AP4E1: variants seen among roughly 807,000 people sequenced by gnomAD.
AP4E1 encodes the protein adaptor related protein complex 4 subunit epsilon 1, also known as AP-4 complex subunit epsilon-1.
In AP4E1, 56 loss-of-function variants were observed where a neutral mutation model predicts 128.2. The observed-to-expected ratio is 0.44, with a 90% CI of 0.35 to 0.55. The LOEUF is 0.55. Among genes scored for constraint, AP4E1 ranks in the 20% least tolerant of loss-of-function variants. The pLI is 0.00. For synonymous variants in AP4E1, 484 were observed against 473.1 expected, an observed-to-expected ratio of 1.02 and a Z score of -0.30; for missense variants, 1,324 against 1,307.7, an observed-to-expected ratio of 1.01 and a Z score of -0.19.
At chr15:50,949,645 A>G (rs1406053949) in intron 11 of AP4E1, among the ~76,000 whole-genome samples, 181 bp from the exon 12 acceptor site, 1 of 152,208 alleles carries the variant, frequency 6.6e-6, no homozygotes, top group African/African-American at 2.4e-5. Context: ...AGTTTATTAA[A>G]TAAGCTTCTA....
At chr15:50,954,818 A>G (rs1437138068) in intron 13 of AP4E1, among the ~76,000 whole-genome samples, 1 of 152,146 alleles carries the variant, frequency 6.6e-6, no homozygotes, top group Non-Finnish European at 1.5e-5. Context: ...TACATTAGGT[A>G]TATCTCCTAA....
rs190494900 is a variant in AP4E1, at chr15:50,996,352, T to C, written c.2347-974T>C. Reference sequence around the variant, plus strand: ...ACTACTGAAAATAACTACTATTTGATAGTTATTAGTAACTATCGAAAATAA... The same window carrying C: ...ACTACTGAAAATAACTACTATTTGACAGTTATTAGTAACTATCGAAAATAA... On this transcript the variant is annotated intron_variant, in intron 17 of 20. Coordinates refer to ENST00000261842, the MANE Select transcript of AP4E1 (RefSeq NM_007347.5). Among the ~76,000 whole-genome samples the C allele has an allele frequency of 2.2e-3, 335 of 152,162 alleles. 1 individual carries two copies. Among genetic ancestry groups the C allele is most frequent in the African/African-American group, 7.6e-3 (315 of 41,512 alleles).
chr15:50,919,675 G>A (rs1440140678), intron 3 of AP4E1, among the ~76,000 whole-genome samples: 1 of 152,002 alleles, frequency 6.6e-6, no homozygotes, highest in East Asian at 1.9e-4. Flanking sequence ...TTTTTATTGA[G>A]ACTCATGATC....
chr15:50,987,733 A>G (rs1250765642), intron 16 of AP4E1, among the ~76,000 whole-genome samples: 3 of 152,240 alleles, frequency 2.0e-5, no homozygotes, highest in African/African-American at 7.2e-5. Flanking sequence ...AGGTTTTCAC[A>G]TAATTTTCAA....
intron 7 of AP4E1, among the ~76,000 whole-genome samples, chr15:50,931,829 G>C (rs1017836238): frequency 1.3e-5 from 2 of 152,068 alleles, no homozygotes; most frequent in Admixed American, 6.6e-5. Context: ...GCCAGATTAG[G>C]CCTGCGGGCT....
intron 15 of AP4E1, among the ~76,000 whole-genome samples, chr15:50,971,254 A>G (rs1045708578): frequency 1.2e-4 from 19 of 152,072 alleles, no homozygotes; most frequent in Non-Finnish European, 2.5e-4. Context: ...TTCTTTTAGT[A>G]CTTTGAATAT....
intron 1 of AP4E1, among the ~76,000 whole-genome samples, chr15:50,910,677 A>G (rs892487557): frequency 6.6e-6 from 1 of 152,168 alleles, no homozygotes; most frequent in Admixed American, 6.5e-5. Flanking sequence ...TGTTTTTGAG[A>G]TGGAGTCTCA....
chr15:50,971,733 A>T (rs1160262143), intron 15 of AP4E1, among the ~76,000 whole-genome samples: 1 of 151,778 alleles, frequency 6.6e-6, no homozygotes, highest in East Asian at 1.9e-4. Flanking sequence ...TGTGTTGTTG[A>T]AGCTCTTATG....
chr15:51,001,297 C>A (rs1346818739), intron 20 of AP4E1, 114 bp downstream of exon 20: 2 of 998,122 alleles, frequency 2.0e-6, no homozygotes, highest in Non-Finnish European at 3.0e-6. Context: ...CCTATTATGA[C>A]TGTCTTTCAG....
In AP4E1 at chr15:50,956,388, C is replaced by T. The variant is rs953167122; in HGVS notation, c.1549-2104C>T. 1.1e-4 allele frequency among the ~76,000 whole-genome samples: 17 copies of T among 152,090 alleles called. 1 individual carries two copies. Among genetic ancestry groups the T allele is most frequent in the East Asian group, 5.8e-4 (3 of 5,178 alleles). On this transcript the variant is annotated intron_variant, in intron 13 of 20. Coordinates refer to ENST00000261842, the MANE Select transcript of AP4E1 (RefSeq NM_007347.5). ...CCCAGCCTCCTTTTCTTGCTGGTGC[C>T]GATATTATACCAAAGACATGAAATT... is the stretch of plus-strand genomic sequence containing the variant.
intron 7 of AP4E1, among the ~76,000 whole-genome samples, chr15:50,933,713 C>G (rs570635803): frequency 2.3e-4 from 35 of 152,178 alleles, no homozygotes; most frequent in African/African-American, 7.2e-4. Context: ...TCAGTCAAGA[C>G]AGAATGAAAG....
chr15:50,980,806 G>A (rs1280585425), intron 15 of AP4E1, among the ~76,000 whole-genome samples: 2 of 152,148 alleles, frequency 1.3e-5, no homozygotes, highest in African/African-American at 4.8e-5. Flanking sequence ...GGGCCCAGGT[G>A]TGGCTTGACC....
intron 15 of AP4E1, among the ~76,000 whole-genome samples, chr15:50,977,306 C>G (rs1250950275): frequency 6.6e-6 from 1 of 152,148 alleles, no homozygotes; most frequent in East Asian, 1.9e-4. Flanking sequence ...CTGGCACTGC[C>G]TATTTTGTTT....
intron 10 of AP4E1, among the ~76,000 whole-genome samples, chr15:50,943,574 A>T (rs2064016643): frequency 6.6e-6 from 1 of 152,204 alleles, no homozygotes; most frequent in Non-Finnish European, 1.5e-5. Flanking sequence ...CTGCTTTAAC[A>T]GATACAGAGC....
intron 10 of AP4E1, chr15:50,945,775 G>C (rs2064053304): frequency 1.3e-6 from 1 of 761,512 alleles, no homozygotes; most frequent in Non-Finnish European, 2.4e-6. Context: ...AGCAGCTAAG[G>C]ATTATAACTA....
intron 8 of AP4E1, among the ~76,000 whole-genome samples, chr15:50,938,054 A>G (rs941104017): frequency 6.6e-6 from 1 of 152,116 alleles, no homozygotes; most frequent in Non-Finnish European, 1.5e-5. Context: ...TTTTCTCACT[A>G]ATTTCACCTA....
In AP4E1 at chr15:50,908,789, T is replaced by A. The variant is rs781171572; in HGVS notation, c.11T>A (p.Ile4Lys). The change falls in exon 1 of 21, where the codon ATA (isoleucine) becomes AAA (lysine). Residue 4 changes from isoleucine (I) to lysine (K), a missense_variant. Ile to Lys is a moderately radical substitution (Grantham distance 102). Transcript: ENST00000261842. ...CGGGCGGCGGCGGCGATGAGCGACA[T>A]AGTGGAGAAGACGCTGACGGCGCTG... MSD[I>K]VEKTLTALPG... 3 of 1,589,060 alleles carry A rather than the reference T, an allele frequency of 1.9e-6. No individual in the cohort carries two copies. Among genetic ancestry groups the A allele is most frequent in the Non-Finnish European group, 2.6e-6 (3 of 1,168,314 alleles).
chr15:50,997,366 A>G lies in AP4E1; in HGVS notation c.2387A>G (p.Lys796Arg). Reference sequence around the variant, plus strand: ...ACTGTCTCTCACAAGTTCAGAAGGAAATCAAAAGTCAAAGAAGCTAAAAGT... The same window carrying G: ...ACTGTCTCTCACAAGTTCAGAAGGAGATCAAAAGTCAAAGAAGCTAAAAGT... ...ADTVSHKFRR[K>R]SKVKEAKSGE... is the part of the protein sequence containing the mutation. Residue 796 changes from lysine (K) to arginine (R), a missense_variant, in exon 18 of 21, where the codon AAA (lysine) becomes AGA (arginine). Lys to Arg is a conservative substitution (Grantham distance 26). Coordinates refer to ENST00000261842, the MANE Select transcript of AP4E1 (RefSeq NM_007347.5). 1 of 1,603,962 alleles carries G rather than the reference A, an allele frequency of 6.2e-7. No individual in the cohort carries two copies. Among genetic ancestry groups the G allele is most frequent in the Non-Finnish European group, 8.5e-7 (1 of 1,177,306 alleles).
At chr15:50,971,613 T>C (rs2064480553) in intron 15 of AP4E1, among the ~76,000 whole-genome samples, 2 of 152,154 alleles carry the variant, frequency 1.3e-5, no homozygotes, top group Admixed American at 6.5e-5. Context: ...CCACAAATCC[T>C]GTAGGCTTTC....
Sources: gnomAD v4.1 joint callset for allele counts (sites outside exome capture counted in the v4.1 genomes callset) on GRCh38, gnomAD v4.1.1 for gene constraint, MANE v1.5 for transcripts, NCBI Gene and HGNC (gene_info 2026-07-23, HGNC 2026-07-21) for gene names.